Variants in ATP13A5 observed in about 807,000 individuals in gnomAD.
ATP13A5 encodes the protein probable cation-transporting ATPase 13A5.
Under a neutral mutation model 150.2 loss-of-function variants are expected in ATP13A5, and 149 were observed. That is an observed-to-expected ratio of 0.99 (90% CI 0.87 to 1.14). ATP13A5 has a LOEUF of 1.14. ATP13A5 is among the 50% of genes most tolerant of loss of function. The pLI is 0.00. For synonymous variants in ATP13A5, 497 were observed against 522.2 expected (o/e 0.95, Z 0.66); for missense variants, 1,383 against 1,449.3 (o/e 0.95, Z 0.74).
chr3:193,374,649 A>G (rs7355915), intron 1 of ATP13A5, among the ~76,000 whole-genome samples: 18,237 of 71,072 alleles, frequency 0.26, 1,463 homozygotes, highest in Non-Finnish European at 0.31. Flanking sequence ...TGACACACAC[A>G]CACACACACA....
chr3:193,362,752 T>TCTTC (rs1713069190), intron 3 of ATP13A5, 115 bp from the exon 4 acceptor site: 1 of 63,808 alleles, frequency 1.6e-5, no homozygotes, highest in Admixed American at 2.6e-4. Flanking sequence ...TTGCTTTCCT[T>TCTTC]CTTTCTTTCT....
At chr3:193,337,909 G>T (rs146856950) in intron 9 of ATP13A5, among the ~76,000 whole-genome samples, 7,799 of 152,112 alleles carry the variant, frequency 0.051, 274 homozygotes, top group Non-Finnish European at 0.073. Context: ...TTATTTCATT[G>T]AGCAGTGGTT....
rs982789842 is a variant in ATP13A5 at position 193,366,433 on chromosome 3, G to C, written c.64-2153C>G. On this transcript the variant is annotated intron_variant, in intron 1 of 29. Coordinates refer to ENST00000342358, the MANE Select transcript of ATP13A5 (RefSeq NM_198505.4). ...TATACTGGGCAAACAGTGGAAGAAA[G>C]CTGATATCGCTGTATTACTATCACA... Among the ~76,000 whole-genome samples the C allele has an allele frequency of 2.7e-4, 41 of 152,118 alleles. 1 individual carries two copies. The highest frequency in any genetic ancestry group is 9.9e-4 in the African/African-American group (41 of 41,558).
intron 14 of ATP13A5, among the ~76,000 whole-genome samples, chr3:193,324,646 A>G (rs1425373465): frequency 6.6e-6 from 1 of 152,230 alleles, no homozygotes; most frequent in Non-Finnish European, 1.5e-5. Flanking sequence ...TGTTTAAACA[A>G]CAGTTCCCAA....
intron 26 of ATP13A5, among the ~76,000 whole-genome samples, chr3:193,286,481 G>A (rs1717727423): frequency 6.6e-6 from 1 of 152,042 alleles, no homozygotes; most frequent in African/African-American, 2.4e-5. Context: ...TTCTTGCAAT[G>A]TTTTAAACTT....
intron 5 of ATP13A5, among the ~76,000 whole-genome samples, chr3:193,356,974 C>A (rs1215493429): frequency 6.6e-6 from 1 of 152,092 alleles, no homozygotes; most frequent in East Asian, 1.9e-4. Flanking sequence ...CACTACCACA[C>A]CTGGCTAATT....
Position 193,364,207 on chromosome 3 carries a change from C to T in ATP13A5, c.137G>A (p.Gly46Asp), listed in dbSNP as rs1399282678. ...CLVASVLTCG[G>D]LLLVFYWRPQ... ...TCTCCAGTAGAACACCAGCAGAAGG[C>T]CCCCACAGGTCAGCACGGATGCGAC... Residue 46 changes from glycine (G) to aspartate (D), a missense_variant, in exon 2 of 30, where the codon GGC (glycine) becomes GAC (aspartate). This residue lies in a region of ATP13A5 where 787 missense variants were observed against 771.9 expected (regional missense o/e 1.02). Transcript: ENST00000342358. 2 of 1,614,134 alleles carry T rather than the reference C, an allele frequency of 1.2e-6. No individual in the cohort carries two copies. The highest frequency in any genetic ancestry group is 1.7e-6 in the Non-Finnish European group (2 of 1,179,986).
intron 5 of ATP13A5, among the ~76,000 whole-genome samples, chr3:193,361,328 T>C (rs4687412): frequency 0.95 from 144,299 of 152,276 alleles, 68,376 homozygotes; most frequent in Middle Eastern, 0.98. Context: ...CAGTGTCTGA[T>C]AGAGGAAAAA....
At chr3:193,367,983 A>T (rs1482135057) in intron 1 of ATP13A5, among the ~76,000 whole-genome samples, 1 of 145,868 alleles carries the variant, frequency 6.9e-6, no homozygotes, top group East Asian at 2.3e-4. Flanking sequence ...GAGGGAAGGG[A>T]AGGAAAGGGA....
chr3:193,277,827 T>C (rs1050521241), intron 28 of ATP13A5: 2 of 152,166 alleles, frequency 1.3e-5, no homozygotes, highest in Non-Finnish European at 2.9e-5. Context: ...TTTTGAATTA[T>C]TTGTTTGTTT....
chr3:193,284,826 CCAT>C, intron 27 of ATP13A5, 85 bp downstream of exon 27: 1 of 1,086,358 alleles, frequency 9.2e-7, no homozygotes, highest in Non-Finnish European at 1.3e-6. Flanking sequence ...CTTCCTCAGC[CCAT>C]CATTTCACCA....
chr3:193,337,641 G>C (rs549563311), intron 9 of ATP13A5, among the ~76,000 whole-genome samples: 1 of 152,290 alleles, frequency 6.6e-6, no homozygotes, highest in South Asian at 2.1e-4. Flanking sequence ...TAGCCTTGTA[G>C]TATAGTTTGA....
Position 193,362,386 on chromosome 3 carries a change from C to T in ATP13A5, c.531G>A (p.Glu177=). Residue 177 remains glutamate, a synonymous_variant, in exon 5 of 30, where the codon GAG becomes GAA. Transcript: ENST00000342358. ...AGGCATATAATAAGTCCTACCTGACCTCTTGCTCTTCACTGGTCAGACCCA... is the reference window on the plus strand; with the variant it reads ...AGGCATATAATAAGTCCTACCTGACTTCTTGCTCTTCACTGGTCAGACCCA... The part of the protein sequence containing the change: ...FGLGLTSEEQ[E]VRRLVCGPNA... The T allele has an allele frequency of 6.2e-7, 1 of 1,613,926 alleles. No individual in the cohort carries two copies. Among genetic ancestry groups the T allele is most frequent in the South Asian group, 1.1e-5 (1 of 91,058 alleles).
At chr3:193,323,961 G>A (rs750907) in intron 14 of ATP13A5, 132,007 of 152,158 alleles carry the variant, frequency 0.87, 57,633 homozygotes, top group East Asian at 0.98. Flanking sequence ...AGGCAACAGG[G>A]TGTAATTAAC....
intron 5 of ATP13A5, among the ~76,000 whole-genome samples, chr3:193,355,291 T>A (rs1362872600): frequency 6.6e-6 from 1 of 152,152 alleles, no homozygotes; most frequent in Admixed American, 6.5e-5. Flanking sequence ...CCTTTTTATA[T>A]GCATTAACTC....
rs750724264 is a variant in ATP13A5, at chr3:193,305,670, T to G, written c.2569-2A>C. 3.7e-6 allele frequency: 6 copies of G among 1,613,426 alleles called. No homozygotes were observed. The African/African-American group carries it at 8.0e-5, about 22-fold the overall frequency. On this transcript the variant is annotated splice_acceptor_variant, in intron 22 of 29. Coordinates refer to ENST00000342358, the MANE Select transcript of ATP13A5 (RefSeq NM_198505.4). LOFTEE classifies it high-confidence loss of function. Reference sequence around the variant, plus strand: ...GCCTGCATGAGCCGCTTTCAAAGCCTGGAATGATAAGCCCATGTCTCACCC... The same window carrying G: ...GCCTGCATGAGCCGCTTTCAAAGCCGGGAATGATAAGCCCATGTCTCACCC...
chr3:193,329,749 G>A (rs145819647), intron 12 of ATP13A5, among the ~76,000 whole-genome samples: 111 of 152,218 alleles, frequency 7.3e-4, no homozygotes, highest in African/African-American at 2.4e-3. Context: ...AAGCCTGGTC[G>A]AGTCTACTCA....
Position 193,299,169 on chromosome 3 carries a change from A to G in ATP13A5, c.2810T>C (p.Met937Thr). 2 of 1,610,494 alleles carry G rather than the reference A, an allele frequency of 1.2e-6. No individual in the cohort carries two copies. The highest frequency in any genetic ancestry group is 2.2e-5 in the East Asian group (1 of 44,740). The part of the protein sequence containing the change: ...LQLFGNYQYL[M>T]QDVAITLMVC... ...CATCAAAGTAATGGCTACATCTTGC[A>G]TGAGATACTGGTAATTTCCAAAGAG... The change falls in exon 25 of 30, where the codon ATG (methionine) becomes ACG (threonine). Residue 937 changes from methionine (M) to threonine (T), a missense_variant. This residue lies in a region of ATP13A5 where 568 missense variants were observed against 621.5 expected (regional missense o/e 0.91). Transcript: ENST00000342358.
chr3:193,285,032 A>G lies in ATP13A5; in HGVS notation c.3108T>C (p.Pro1036=). 6.2e-7 allele frequency: 1 copy of G among 1,614,126 alleles called. No individual in the cohort carries two copies. Among genetic ancestry groups the G allele is most frequent in the Non-Finnish European group, 8.5e-7 (1 of 1,179,970 alleles). Residue 1036 remains proline (P), a synonymous_variant, in exon 27 of 30, where the codon CCT becomes CCC. Coordinates refer to ENST00000342358, the MANE Select transcript of ATP13A5 (RefSeq NM_198505.4). ...RNWTGNATLI[P]GSILSFETTT... is the part of the protein sequence containing the mutation. ...TGGTCTCAAAACTTAAAATTGAACCAGGAATCAGAGTTGCATTTCCAGTCC... is the reference window on the plus strand; with the variant it reads ...TGGTCTCAAAACTTAAAATTGAACCGGGAATCAGAGTTGCATTTCCAGTCC...
Sources: allele counts gnomAD v4.1 joint callset (sites outside exome capture counted in the v4.1 genomes callset), GRCh38; gene constraint gnomAD v4.1.1; regional missense constraint gnomAD v4.1.1; transcripts MANE v1.5; gene names NCBI Gene and HGNC (gene_info 2026-07-23, HGNC 2026-07-21).